The following STARD10 variants were observed in gnomAD, a reference collection of about 807,000 sequenced individuals.
STARD10 encodes the protein StAR related lipid transfer domain containing 10, also known as START domain-containing protein 10.
A neutral mutation model predicts 36.0 loss-of-function variants in STARD10; 24 were observed. The observed-to-expected ratio is 0.67, with a 90% CI of 0.48 to 0.94. STARD10 has a LOEUF of 0.94. Among genes scored for constraint, STARD10 ranks in the 40% least tolerant of loss-of-function variants. The pLI, the probability that STARD10 is intolerant of heterozygous loss-of-function variation, is 0.00. For synonymous variants in STARD10, 156 were observed against 161.9 expected (o/e 0.96, Z 0.28); for missense variants, 335 against 396.6 (o/e 0.84, Z 1.32).
intron 2 of STARD10, among the ~76,000 whole-genome samples, chr11:72,760,852 C>CAG (rs2135610904): frequency 6.6e-6 from 1 of 152,030 alleles, no homozygotes; most frequent in East Asian, 1.9e-4. Flanking sequence ...TGCCCTATCC[C>CAG]CAAGATCAAG....
intron 2 of STARD10, among the ~76,000 whole-genome samples, chr11:72,767,795 G>A (rs1858811456): frequency 6.6e-6 from 1 of 152,196 alleles, no homozygotes; most frequent in African/African-American, 2.4e-5. Context: ...CCAGCTGTGT[G>A]GCCTTGGCTT....
At chr11:72,773,273 C>T (rs1021007106) in intron 2 of STARD10, among the ~76,000 whole-genome samples, 1 of 152,194 alleles carries the variant, frequency 6.6e-6, no homozygotes, top group Non-Finnish European at 1.5e-5. Context: ...CAGAGACAGG[C>T]TTGAGGTGGC....
chr11:72,769,379 T>A (rs1479891713), intron 2 of STARD10, among the ~76,000 whole-genome samples: 1 of 152,224 alleles, frequency 6.6e-6, no homozygotes, highest in Non-Finnish European at 1.5e-5. Context: ...AGAAAATAAT[T>A]TGGCAAATAC....
chr11:72,777,809 A>T (rs1858945481), intron 2 of STARD10, among the ~76,000 whole-genome samples: 1 of 152,166 alleles, frequency 6.6e-6, no homozygotes, highest in African/African-American at 2.4e-5. Flanking sequence ...AGAGATGAGG[A>T]AGAGGAATTG....
rs752801080 is a variant in STARD10 at position 72,765,816 on chromosome 11, C to CAAAAAAAAAAAAAAAAA, written c.208-6436_208-6435insTTTTTTTTTTTTTTTTT. On this transcript the variant is annotated intron_variant, in intron 2 of 6. Coordinates refer to ENST00000334805, the MANE Select transcript of STARD10 (RefSeq NM_006645.3). ...TGAAAACCTGTCTCTACTAAAAATA[C>CAAAAAAAAAAAAAAAAA]AAAAAAAAAAAAAAATTAGCTGGGT... Among the ~76,000 whole-genome samples the CAAAAAAAAAAAAAAAAA allele has an allele frequency of 3.4e-5, 4 of 118,190 alleles. 1 individual carries two copies. Among genetic ancestry groups the CAAAAAAAAAAAAAAAAA allele is most frequent in the African/African-American group, 1.0e-4 (3 of 28,706 alleles). The allele number at this position is 118,190 out of a possible 152,430, so 77.5% of individuals were successfully genotyped here. A position where few individuals can be genotyped will look rare whatever the true frequency, so the allele number is the denominator to read the frequency against.
At chr11:72,761,994 T>G (rs1420085214) in intron 2 of STARD10, among the ~76,000 whole-genome samples, 2 of 145,588 alleles carry the variant, frequency 1.4e-5, no homozygotes, top group East Asian at 4.1e-4. Flanking sequence ...GACACGATCT[T>G]GGCTCACCGC....
chr11:72,777,764 G>T (rs917908609), intron 2 of STARD10, among the ~76,000 whole-genome samples: 2 of 152,252 alleles, frequency 1.3e-5, no homozygotes, highest in Non-Finnish European at 2.9e-5. Context: ...AGCCACAGTG[G>T]CTTCCAGGGA....
At chr11:72,786,705 A>G (rs1296243453) in intron 1 of STARD10, among the ~76,000 whole-genome samples, 1 of 152,304 alleles carries the variant, frequency 6.6e-6, no homozygotes, top group Non-Finnish European at 1.5e-5. Context: ...ACAGGGCCAG[A>G]CCTACACAGC....
intron 5 of STARD10, among the ~76,000 whole-genome samples, 153 bp downstream of exon 5, chr11:72,757,614 C>T (rs1258049162): frequency 6.6e-6 from 1 of 152,220 alleles, no homozygotes; most frequent in Non-Finnish European, 1.5e-5. Flanking sequence ...CTGTAAAGTC[C>T]CAAGCCTTGG....
chr11:72,771,887 AG>A (rs1285484415), intron 2 of STARD10, among the ~76,000 whole-genome samples: 2 of 152,162 alleles, frequency 1.3e-5, no homozygotes, highest in African/African-American at 4.8e-5. Context: ...GGGAAGGGGT[AG>A]GGGATGCCAG....
chr11:72,760,354 G>A lies in STARD10; in HGVS notation c.208-973C>T, dbSNP rs186693541. The stretch of plus-strand genomic sequence containing the variant: ...GGATTCTCCTGCCTCAGCCTCCTGA[G>A]TAGATGGGATTACAGGCACCTGCCA... On this transcript the variant is annotated intron_variant, in intron 2 of 6. Transcript: ENST00000334805. Among the ~76,000 whole-genome samples the A allele has an allele frequency of 1.1e-3, 162 of 152,054 alleles. 2 individuals carry two copies. The Middle Eastern group carries it at 0.048, about 45-fold the overall frequency.
At chr11:72,787,084 C>CAAAAAAAA (rs765529093) in intron 1 of STARD10, among the ~76,000 whole-genome samples, 1 of 72,026 alleles carries the variant, frequency 1.4e-5, no homozygotes. Flanking sequence ...ACCCTGTGTC[C>CAAAAAAAA]AAAAAAAAAA....
intron 2 of STARD10, among the ~76,000 whole-genome samples, chr11:72,779,230 G>A (rs922306856): frequency 5.9e-5 from 9 of 152,264 alleles, no homozygotes; most frequent in East Asian, 1.9e-4. Context: ...TCAGGCTCTC[G>A]TGAATTCCCT....
intron 1 of STARD10, among the ~76,000 whole-genome samples, chr11:72,782,992 A>G (rs1859024673): frequency 1.3e-5 from 2 of 152,088 alleles, no homozygotes; most frequent in Admixed American, 1.3e-4. Flanking sequence ...TCTGGTCCTT[A>G]GTTTTCCATT....
At chr11:72,755,672 C>T in intron 6 of STARD10, 29 bp downstream of exon 6, 9 of 1,612,682 alleles carry the variant, frequency 5.6e-6, no homozygotes, top group Non-Finnish European at 7.6e-6. Context: ...GTCTTCAACA[C>T]CCCTCCCCAA....
At position 72,755,213 on chromosome 11, in the gene STARD10, G is replaced by C. The variant is rs1343582823; in HGVS notation, c.631-71C>G. The C allele has an allele frequency of 4.0e-6, 6 of 1,502,328 alleles. No homozygotes were observed. In the African/African-American group the frequency reaches 8.2e-5, roughly 21 times the overall value. The allele number at this position is 1,502,328 out of a possible 1,614,324, so 93.1% of individuals were successfully genotyped here. A position where few individuals can be genotyped will look rare whatever the true frequency, so the allele number is the denominator to read the frequency against. ...GGTCTTCTCCACACCCCCCTCCAGC[G>C]GCTCAGCCCCCAGCATCCTGACTGG... On this transcript the variant is annotated intron_variant, in intron 6 of 6. Coordinates refer to ENST00000334805, the MANE Select transcript of STARD10 (RefSeq NM_006645.3).
intron 1 of STARD10, among the ~76,000 whole-genome samples, chr11:72,787,010 G>A (rs1859081446): frequency 6.6e-6 from 1 of 150,982 alleles, no homozygotes; most frequent in East Asian, 1.9e-4. Context: ...CTTGAGCCCA[G>A]GAGTTCGAGG....
At chr11:72,790,780 A>T (rs1343260966) in intron 1 of STARD10, among the ~76,000 whole-genome samples, 1 of 152,204 alleles carries the variant, frequency 6.6e-6, no homozygotes, top group African/African-American at 2.4e-5. Flanking sequence ...TGCAGGTGTA[A>T]ACACTCGAGA....
At chr11:72,783,789 A>G (rs747996374) in intron 1 of STARD10, among the ~76,000 whole-genome samples, 1 of 152,170 alleles carries the variant, frequency 6.6e-6, no homozygotes, top group Non-Finnish European at 1.5e-5. Context: ...CCAGGGTAAA[A>G]AAGACAAGGC....
Sources: gnomAD v4.1 joint callset for allele counts (sites outside exome capture counted in the v4.1 genomes callset) on GRCh38, gnomAD v4.1.1 for gene constraint, MANE v1.5 for transcripts, NCBI Gene and HGNC (gene_info 2026-07-23, HGNC 2026-07-21) for gene names.